SLC6A11: variants seen among roughly 807,000 people sequenced by gnomAD.
SLC6A11 encodes solute carrier family 6 member 11, also known as sodium- and chloride-dependent GABA transporter 3.
Under a neutral mutation model 74.8 loss-of-function variants are expected in SLC6A11, and 25 were observed. The observed-to-expected ratio is 0.33, with a 90% CI of 0.24 to 0.47. SLC6A11 has a LOEUF of 0.47. Ranked by LOEUF, SLC6A11 falls within the 20% of genes least tolerant of loss-of-function variation. The probability of loss-of-function intolerance (pLI) is 1.00; values close to 1 mark genes in which losing one functional copy is unlikely to be tolerated. For missense variants in SLC6A11, 574 were observed against 837.0 expected (o/e 0.69, Z 3.88); for synonymous variants, 330 against 330.2 (o/e 1.00, Z 0.01).
chr3:10,825,976 T>C (rs1320811583), intron 4 of SLC6A11, among the ~76,000 whole-genome samples: 2 of 152,242 alleles, frequency 1.3e-5, no homozygotes, highest in Non-Finnish European at 2.9e-5. Flanking sequence ...TTTTCCAAAA[T>C]TGTTTTAGTC....
chr3:10,908,504 C>T (rs1695341100), intron 6 of SLC6A11, among the ~76,000 whole-genome samples: 1 of 151,566 alleles, frequency 6.6e-6, no homozygotes, highest in African/African-American at 2.4e-5. Flanking sequence ...GAGAACATAC[C>T]CTTAAAGATT....
intron 4 of SLC6A11, among the ~76,000 whole-genome samples, chr3:10,831,547 A>G (rs981612876): frequency 5.9e-5 from 9 of 152,218 alleles, no homozygotes; most frequent in African/African-American, 1.7e-4. Flanking sequence ...ATAACCATAA[A>G]CCATGTCTGG....
intron 4 of SLC6A11, among the ~76,000 whole-genome samples, chr3:10,843,740 A>T (rs1280179695): frequency 6.6e-6 from 1 of 152,150 alleles, no homozygotes; most frequent in Admixed American, 6.5e-5. Flanking sequence ...AGTTAGGGAG[A>T]AGAGACGATG....
chr3:10,846,735 G>A (rs982850479), intron 5 of SLC6A11, among the ~76,000 whole-genome samples: 4 of 152,130 alleles, frequency 2.6e-5, no homozygotes, highest in African/African-American at 9.7e-5. Context: ...CCACTCCCCG[G>A]CAACTTGCAA....
In SLC6A11 at chr3:10,816,444, T is replaced by G; in HGVS notation, c.179T>G (p.Val60Gly). Residue 60 changes from valine (V) to glycine (G), a missense_variant, in exon 1 of 14, where the codon GTG becomes GGG. By Grantham distance (109) the Val-to-Gly change is moderately radical (BLOSUM62 -3). Around this residue, in one of 4 missense-constraint regions of SLC6A11, gnomAD observed 215 missense variants for 357.9 expected, o/e 0.60. Transcript: ENST00000254488. This position sits in a 1 kb window ranked among gnomAD's most constrained non-coding sequence, Gnocchi z 4.2. ...RGHWNNKVEF[V>G]LSVAGEIIGL... ...CACTGGAACAACAAGGTGGAGTTCG[T>G]GCTGAGCGTGGCCGGGGAGATCATT... 6.2e-7 allele frequency: 1 copy of G among 1,604,576 alleles called. No individual in the cohort carries two copies. Among genetic ancestry groups the G allele is most frequent in the Non-Finnish European group, 8.5e-7 (1 of 1,176,052 alleles).
intron 7 of SLC6A11, among the ~76,000 whole-genome samples, chr3:10,912,779 G>C (rs142706157): frequency 6.6e-6 from 1 of 152,180 alleles, no homozygotes; most frequent in Non-Finnish European, 1.5e-5. Context: ...AGGCTGAGTC[G>C]TGGAGGGCAG....
chr3:10,900,520 G>A (rs1695227105), intron 6 of SLC6A11, among the ~76,000 whole-genome samples: 1 of 152,240 alleles, frequency 6.6e-6, no homozygotes, highest in African/African-American at 2.4e-5. Flanking sequence ...AGACACAGAA[G>A]TGGCTACCTT....
At chr3:10,823,201 A>G (rs1433138599) in intron 3 of SLC6A11, 101 bp from the exon 4 acceptor site, 1 of 774,220 alleles carries the variant, frequency 1.3e-6, no homozygotes, top group East Asian at 2.6e-5. Flanking sequence ...TGGAGTGGGT[A>G]GATGAAAATG....
At chr3:10,893,884 G>A (rs931533920) in intron 6 of SLC6A11, among the ~76,000 whole-genome samples, 8 of 152,118 alleles carry the variant, frequency 5.3e-5, no homozygotes, top group Admixed American at 2.0e-4. Context: ...CCTTAAGTAC[G>A]TTGGCATTGA....
At chr3:10,924,412 A>G (rs1695575696) in intron 8 of SLC6A11, among the ~76,000 whole-genome samples, 1 of 152,064 alleles carries the variant, frequency 6.6e-6, no homozygotes, top group African/African-American at 2.4e-5. Context: ...TAAGGAACCT[A>G]CAAAAAAAGT....
intron 5 of SLC6A11, among the ~76,000 whole-genome samples, chr3:10,873,971 T>TGCTACGCTAC (rs762939574): frequency 0.014 from 1,823 of 130,476 alleles, 34 homozygotes; most frequent in African/African-American, 0.06. Flanking sequence ...CGCTATGCTA[T>TGCTACGCTAC]GCTACGCTAC....
rs1695448127 is a variant in SLC6A11 at position 10,915,938 on chromosome 3, G to A, written c.996-2391G>A. Among the ~76,000 whole-genome samples, 1 of 152,170 alleles carries A rather than the reference G, an allele frequency of 6.6e-6. No homozygotes were observed. The highest frequency in any genetic ancestry group is 2.4e-5 in the African/African-American group (1 of 41,434). On this transcript the variant is annotated intron_variant, in intron 7 of 13. Transcript: ENST00000254488. The surrounding 1 kb of genome is among the most constrained non-coding windows in gnomAD (Gnocchi z 4.3). ...GTGCATCATTTTTGTTTAGCTCCTA[G>A]CAAAAGCATGGGCTTTGATCTATGT...
chr3:10,897,293 C>T (rs1695182842), intron 6 of SLC6A11, among the ~76,000 whole-genome samples: 1 of 152,176 alleles, frequency 6.6e-6, no homozygotes, highest in South Asian at 2.1e-4. Flanking sequence ...ATCATGCCTT[C>T]CCAACAGTCC....
chr3:10,852,927 C>A (rs974212157), intron 5 of SLC6A11, among the ~76,000 whole-genome samples: 2 of 152,164 alleles, frequency 1.3e-5, no homozygotes, highest in Non-Finnish European at 2.9e-5. Context: ...AGATGAGGCA[C>A]AGATGGTGGC....
intron 4 of SLC6A11, among the ~76,000 whole-genome samples, chr3:10,830,122 C>T (rs1694275536): frequency 6.6e-6 from 1 of 152,022 alleles, no homozygotes; most frequent in East Asian, 1.9e-4. Flanking sequence ...AGGATGCTTG[C>T]AGAGTGAGGC....
chr3:10,819,479 C>G lies in SLC6A11; in HGVS notation c.271C>G (p.Pro91Ala). ...YKNGGGAFLI[P>A]YVVFFICCGI... ...CATCCTTACAGGGGCATTCCTGATT[C>G]CCTACGTGGTGTTTTTTATTTGCTG... Residue 91 changes from proline to alanine, a missense_variant, in exon 2 of 14, where the codon CCC becomes GCC. Physicochemically the swap from Pro to Ala is conservative, Grantham distance 27 (BLOSUM62 -1). Around this residue, in one of 4 missense-constraint regions of SLC6A11, gnomAD observed 215 missense variants for 357.9 expected, o/e 0.60. Transcript: ENST00000254488. 6.2e-7 allele frequency: 1 copy of G among 1,613,358 alleles called. No homozygotes were observed. Among genetic ancestry groups the G allele is most frequent in the Non-Finnish European group, 8.5e-7 (1 of 1,179,808 alleles).
rs1694066321 is a variant in SLC6A11 at position 10,816,697 on chromosome 3, G to A, written c.256+176G>A. Reference sequence around the variant, plus strand: ...CCCGGAGCGCGGCCCACCTGTGCCAGTGCGCACGCGCACGTGCCAATTCGC... The same window carrying A: ...CCCGGAGCGCGGCCCACCTGTGCCAATGCGCACGCGCACGTGCCAATTCGC... On this transcript the variant is annotated intron_variant, in intron 1 of 13. Transcript: ENST00000254488. This position sits in a 1 kb window ranked among gnomAD's most constrained non-coding sequence, Gnocchi z 4.2. Among the ~76,000 whole-genome samples, 1 of 152,242 alleles carries A rather than the reference G, an allele frequency of 6.6e-6. No individual in the cohort carries two copies. The highest frequency in any genetic ancestry group is 1.5e-5 in the Non-Finnish European group (1 of 68,056).
At chr3:10,840,772 G>A (rs1180777148) in intron 4 of SLC6A11, among the ~76,000 whole-genome samples, 2 of 152,192 alleles carry the variant, frequency 1.3e-5, no homozygotes, top group African/African-American at 4.8e-5. Flanking sequence ...TCTGTTTCTT[G>A]CTGAGGATGT....
At chr3:10,853,358 G>T (rs2106590777) in intron 5 of SLC6A11, among the ~76,000 whole-genome samples, 1 of 152,294 alleles carries the variant, frequency 6.6e-6, no homozygotes, top group South Asian at 2.1e-4. Flanking sequence ...CATGCTGCAG[G>T]GGCACCCCCG....
Sources: allele counts gnomAD v4.1 joint callset (sites outside exome capture counted in the v4.1 genomes callset), GRCh38; gene constraint gnomAD v4.1.1; regional missense constraint gnomAD v4.1.1; non-coding constraint Gnocchi (gnomAD v3.1); transcripts MANE v1.5; gene names NCBI Gene and HGNC (gene_info 2026-07-23, HGNC 2026-07-21).